Variants in ARMC3 observed in about 807,000 individuals in gnomAD.
ARMC3 encodes the protein armadillo repeat-containing protein 3.
ARMC3 carries 74 observed loss-of-function variants against 90.3 expected under a neutral mutation model. That is an observed-to-expected ratio of 0.82 (90% CI 0.68 to 0.99). The LOEUF is 0.99. Among genes scored for constraint, ARMC3 ranks in the 50% least tolerant of loss-of-function variants. ARMC3 has a pLI of 0.00. For synonymous variants in ARMC3, 334 were observed against 361.8 expected (o/e 0.92, Z 0.87); for missense variants, 958 against 1,042.8 (o/e 0.92, Z 1.12).
intron 6 of ARMC3, chr10:22,959,957 A>AT (rs957419518): frequency 5.1e-6 from 2 of 394,910 alleles, no homozygotes; most frequent in African/African-American, 4.2e-5. Flanking sequence ...ATGTACTGAG[A>AT]TTTTGGTTTA....
intron 8 of ARMC3, among the ~76,000 whole-genome samples, chr10:22,974,085 C>G (rs1442632680): frequency 2.6e-5 from 4 of 152,120 alleles, no homozygotes; most frequent in Non-Finnish European, 5.9e-5. Context: ...TATTAAATGA[C>G]TTCACTTTAT....
At chr10:22,938,281 A>G (rs757954324) in intron 2 of ARMC3, among the ~76,000 whole-genome samples, 3 of 152,174 alleles carry the variant, frequency 2.0e-5, no homozygotes, top group Non-Finnish European at 4.4e-5. Flanking sequence ...ACAGGAGATT[A>G]GTGAGCGAGG....
intron 8 of ARMC3, among the ~76,000 whole-genome samples, chr10:22,976,249 T>G (rs562739896): frequency 1.3e-5 from 2 of 152,324 alleles, no homozygotes; most frequent in East Asian, 3.9e-4. Context: ...TCTCCTTTTC[T>G]TATCAACCTC....
chr10:22,998,048 G>T (rs144384713), intron 10 of ARMC3, 100 bp from the exon 11 acceptor site: 4 of 1,325,162 alleles, frequency 3.0e-6, no homozygotes, highest in East Asian at 5.0e-5. Context: ...TTCTAAAATC[G>T]TATTTCTGTA....
At chr10:23,020,000 G>T (rs1329172727) in intron 16 of ARMC3, among the ~76,000 whole-genome samples, 2 of 152,186 alleles carry the variant, frequency 1.3e-5, no homozygotes, top group Non-Finnish European at 2.9e-5. Flanking sequence ...TCACTGTGTG[G>T]ATATACCACA....
rs532200179 is a variant in ARMC3, at chr10:22,939,095, T to C, written c.49-7049T>C. 8.5e-5 allele frequency among the ~76,000 whole-genome samples: 13 copies of C among 152,202 alleles called. No homozygotes were observed. In the East Asian group the frequency reaches 2.3e-3, roughly 27 times the overall value. ...AAGGAGCTAGAGTAAGAAAAGTAAGTATTTGTAAGGTTTTTGATTGTGAAA... is the reference window on the plus strand; with the variant it reads ...AAGGAGCTAGAGTAAGAAAAGTAAGCATTTGTAAGGTTTTTGATTGTGAAA... On this transcript the variant is annotated intron_variant, in intron 2 of 18. Transcript: ENST00000298032.
intron 10 of ARMC3, among the ~76,000 whole-genome samples, chr10:22,989,959 C>T (rs925098055): frequency 3.3e-5 from 5 of 152,210 alleles, no homozygotes; most frequent in African/African-American, 1.2e-4. Context: ...CCTTGACTAA[C>T]AGTTTGAATT....
At chr10:22,994,747 T>C (rs374776703) in intron 10 of ARMC3, among the ~76,000 whole-genome samples, 3 of 152,046 alleles carry the variant, frequency 2.0e-5, no homozygotes, top group Non-Finnish European at 4.4e-5. Flanking sequence ...GGATGCTGAA[T>C]TGGATTCTGT....
chr10:23,026,200 T>C (rs1261714695), intron 16 of ARMC3, among the ~76,000 whole-genome samples: 3 of 152,004 alleles, frequency 2.0e-5, no homozygotes, highest in Non-Finnish European at 4.4e-5. Context: ...AATAGGAAAA[T>C]AGAGGATACT....
chr10:22,996,895 A>G (rs1836987657), intron 10 of ARMC3, among the ~76,000 whole-genome samples: 1 of 151,896 alleles, frequency 6.6e-6, no homozygotes, highest in Non-Finnish European at 1.5e-5. Context: ...ACCATACAGG[A>G]TGATGGGCTG....
rs182565925 is a variant in ARMC3 at position 23,007,137 on chromosome 10, C to T, written c.1829+156C>T. Among the ~76,000 whole-genome samples the T allele has an allele frequency of 1.5e-3, 227 of 152,250 alleles. 1 individual carries two copies. In the South Asian group the frequency reaches 0.015, roughly 10 times the overall value. On this transcript the variant is annotated intron_variant, in intron 14 of 18. Transcript: ENST00000298032. Reference sequence around the variant, plus strand: ...AACACTGGCTCATAAACTCATAGCCCGACATGGAATAACCATGAAATAGCC... The same window carrying T: ...AACACTGGCTCATAAACTCATAGCCTGACATGGAATAACCATGAAATAGCC...
intron 7 of ARMC3, among the ~76,000 whole-genome samples, chr10:22,962,438 TA>T (rs1159706473): frequency 3.9e-5 from 6 of 152,188 alleles, no homozygotes; most frequent in African/African-American, 1.4e-4. Flanking sequence ...TAAATGTCCA[TA>T]GTTGCTAATA....
chr10:23,025,302 A>T (rs1184669575), intron 16 of ARMC3, among the ~76,000 whole-genome samples: 1 of 152,098 alleles, frequency 6.6e-6, no homozygotes, highest in East Asian at 1.9e-4. Flanking sequence ...AGCAGAATAC[A>T]CGTTTCATTA....
rs188172166 is a variant in ARMC3 at position 23,001,539 on chromosome 10, T to G, written c.1426-380T>G. Among the ~76,000 whole-genome samples, 4 of 152,266 alleles carry G rather than the reference T, an allele frequency of 2.6e-5. No homozygotes were observed. The East Asian group carries it at 7.7e-4, about 29-fold the overall frequency. On this transcript the variant is annotated intron_variant, in intron 11 of 18. Coordinates refer to ENST00000298032, the MANE Select transcript of ARMC3 (RefSeq NM_173081.5). Reference sequence around the variant, plus strand: ...ATCTCTGCAGAGTCCCTTCCAGGGATGAGGATATCTTTGGGGGCCCCTTAC... The same window carrying G: ...ATCTCTGCAGAGTCCCTTCCAGGGAGGAGGATATCTTTGGGGGCCCCTTAC...
chr10:22,954,394 T>G (rs1834847207), intron 3 of ARMC3, among the ~76,000 whole-genome samples: 1 of 151,900 alleles, frequency 6.6e-6, no homozygotes, highest in Non-Finnish European at 1.5e-5. Flanking sequence ...CACAGTGTCT[T>G]GTGGAGCCTG....
At chr10:22,959,000 G>T in intron 4 of ARMC3, 70 bp from the exon 5 acceptor site, 1 of 1,282,968 alleles carries the variant, frequency 7.8e-7, no homozygotes, top group South Asian at 1.2e-5. Flanking sequence ...TGGGATTACA[G>T]GCATGAGCCA....
At chr10:22,976,079 T>C (rs1188757931) in intron 8 of ARMC3, among the ~76,000 whole-genome samples, 2 of 152,156 alleles carry the variant, frequency 1.3e-5, no homozygotes, top group Non-Finnish European at 2.9e-5. Context: ...TAATGCAGTA[T>C]TGCAACGCCA....
rs780945905 is a variant in ARMC3 at position 23,037,456 on chromosome 10, G to T, written c.2596G>T (p.Ala866Ser). 6.2e-7 allele frequency: 1 copy of T among 1,613,892 alleles called. No homozygotes were observed. The highest frequency in any genetic ancestry group is 1.1e-5 in the South Asian group (1 of 91,018). The change falls in exon 19 of 19, where the codon GCT becomes TCT. Residue 866 changes from alanine to serine, a missense_variant. Coordinates refer to ENST00000298032, the MANE Select transcript of ARMC3 (RefSeq NM_173081.5). ...ACTGATGAAGTTGAGAAGTCGAGAG[G>T]CTGATCTTTACAGATTCATTTAAGC... ...GGLMKLRSRE[A>S]DLYRFI
intron 11 of ARMC3, among the ~76,000 whole-genome samples, chr10:23,001,576 C>G (rs898437987): frequency 6.6e-6 from 1 of 152,182 alleles, no homozygotes; most frequent in African/African-American, 2.4e-5. Context: ...CTGTCTATCA[C>G]TGAGCTGAAT....
Sources: allele counts gnomAD v4.1 joint callset (sites outside exome capture counted in the v4.1 genomes callset), GRCh38; gene constraint gnomAD v4.1.1; transcripts MANE v1.5; gene names NCBI Gene and HGNC (gene_info 2026-07-23, HGNC 2026-07-21).